ZNF283: variants seen among roughly 807,000 people sequenced by gnomAD.
ZNF283 encodes zinc finger protein 41.
ZNF283 carries 10 observed loss-of-function variants against 9.2 expected under a neutral mutation model. The observed-to-expected ratio is 1.09, with a 90% CI of 0.67 to 1.85. ZNF283 has a LOEUF of 1.85. ZNF283 is among the 40% of genes most tolerant of loss of function. ZNF283 has a pLI of 0.00. For synonymous variants in ZNF283, 234 were observed against 244.1 expected (o/e 0.96, Z 0.38); for missense variants, 631 against 760.1 (o/e 0.83, Z 2.00).
At position 43,850,441 on chromosome 19, in the gene ZNF283, C is replaced by CT. The variant is rs72316769; in HGVS notation, c.*1814dup. ...GTGTGATCATATGGTATGTATTTTA[C>CT]TTTTTTTTTTTTTTGGGACAGGATC... On this transcript the variant is annotated 3_prime_UTR_variant, in exon 7 of 7. Transcript: ENST00000618787. The CT allele has an allele frequency of 0.028, 4,048 of 146,986 alleles. 209 individuals carry two copies. Among genetic ancestry groups the CT allele is most frequent in the East Asian group, 0.23 (1,146 of 5,018 alleles). 9.1% of individuals were successfully genotyped at this position (146,986 alleles called of 1,614,324 possible). A position where few individuals can be genotyped will look rare whatever the true frequency, so the allele number is the denominator to read the frequency against.
Position 43,847,686 on chromosome 19 carries a change from T to G in ZNF283, c.1085T>G (p.Leu362Arg). The change falls in exon 7 of 7, where the codon CTT becomes CGT. Residue 362 changes from leucine (L) to arginine (R), a missense_variant. Physicochemically the swap from Leu to Arg is moderately radical, Grantham distance 102. This residue lies in a region of ZNF283 where 444 missense variants were observed against 522.5 expected (regional missense o/e 0.85). Coordinates refer to ENST00000618787, the MANE Select transcript of ZNF283 (RefSeq NM_181845.2). ...CGKAFSRGYQLTQHQKIHTGK... is the reference protein window; with the variant it reads ...CGKAFSRGYQRTQHQKIHTGK... Reference sequence around the variant, plus strand: ...AAGGCCTTCAGTCGTGGCTATCAGCTTACTCAGCATCAGAAAATCCATACT... The same window carrying G: ...AAGGCCTTCAGTCGTGGCTATCAGCGTACTCAGCATCAGAAAATCCATACT... The G allele has an allele frequency of 6.2e-7, 1 of 1,613,578 alleles. No individual in the cohort carries two copies. The highest frequency in any genetic ancestry group is 8.5e-7 in the Non-Finnish European group (1 of 1,179,630).
At chr19:43,828,422 A>G (rs928345582) in intron 2 of ZNF283, 141 bp downstream of exon 2, 1 of 152,012 alleles carries the variant, frequency 6.6e-6, no homozygotes, top group African/African-American at 2.4e-5. Context: ...GCTGGTACAT[A>G]TTTCCTCCCA....
intron 6 of ZNF283, among the ~76,000 whole-genome samples, chr19:43,843,755 G>T (rs907439372): frequency 1.3e-5 from 2 of 152,154 alleles, no homozygotes; most frequent in African/African-American, 4.8e-5. Flanking sequence ...TATTCAAAGT[G>T]CAATGTAACA....
intron 2 of ZNF283, among the ~76,000 whole-genome samples, chr19:43,828,874 A>C (rs565006011): frequency 6.6e-6 from 1 of 152,306 alleles, no homozygotes; most frequent in South Asian, 2.1e-4. Flanking sequence ...AAGTAAGGGA[A>C]TGTTTCTGGC....
chr19:43,849,531 A>C lies in ZNF283; in HGVS notation c.*890A>C, dbSNP rs776449845. The stretch of plus-strand genomic sequence containing the variant: ...ATTTTCTAATGCCTGTAACAGCATA[A>C]GATAATTTATACCAGATATGTTAAA... On this transcript the variant is annotated 3_prime_UTR_variant, in exon 7 of 7. Transcript: ENST00000618787. The C allele has an allele frequency of 5.3e-5, 8 of 152,236 alleles. No individual in the cohort carries two copies. The highest frequency in any genetic ancestry group is 8.8e-5 in the Non-Finnish European group (6 of 68,036). The allele number at this position is 152,236 out of a possible 1,614,324, so 9.4% of individuals were successfully genotyped here.
chr19:43,837,710 G>A (rs1041193216), intron 6 of ZNF283: 1 of 152,806 alleles, frequency 6.5e-6, no homozygotes, highest in Non-Finnish European at 1.5e-5. Flanking sequence ...AAAATGATGA[G>A]GACTGACAGG....
Position 43,848,733 on chromosome 19 carries a change from G to A in ZNF283, c.*92G>A, listed in dbSNP as rs549540204. On this transcript the variant is annotated 3_prime_UTR_variant, in exon 7 of 7. Coordinates refer to ENST00000618787, the MANE Select transcript of ZNF283 (RefSeq NM_181845.2). The stretch of plus-strand genomic sequence containing the variant: ...CTTGAGAAACCTTGTGAATGTAAGG[G>A]TTGTGCAAAAGCCATTCATTTCTGT... 143 of 1,316,900 alleles carry A rather than the reference G, an allele frequency of 1.1e-4. No homozygotes were observed. In the South Asian group the frequency reaches 2.5e-3, roughly 23 times the overall value. The allele number at this position is 1,316,900 out of a possible 1,614,324, so 81.6% of individuals were successfully genotyped here.
At chr19:43,832,880 C>T (rs373557995) in intron 3 of ZNF283, among the ~76,000 whole-genome samples, 5 of 151,582 alleles carry the variant, frequency 3.3e-5, no homozygotes, top group East Asian at 1.9e-4. Flanking sequence ...AATCATTAGT[C>T]GGGCAAGGTG....
chr19:43,833,484 C>CTTTTTTTTTTTT lies in ZNF283; in HGVS notation c.1-15_1-4dup, dbSNP rs55882936. 1.7e-3 allele frequency: 235 copies of CTTTTTTTTTTTT among 138,048 alleles called. 23 individuals carry two copies. Among genetic ancestry groups the CTTTTTTTTTTTT allele is most frequent in the African/African-American group, 3.7e-3 (92 of 25,024 alleles). 8.6% of individuals were successfully genotyped at this position (138,048 alleles called of 1,614,324 possible). ...GTGTTTCTTTCTTCTTTACCTATTT[C>CTTTTTTTTTTTT]TTTTTTTTTTTTTTTTTCAGATGGA... On this transcript the variant is annotated intron_variant, in intron 3 of 6. Coordinates refer to ENST00000618787, the MANE Select transcript of ZNF283 (RefSeq NM_181845.2).
Position 43,835,557 on chromosome 19 carries a change from T to A in ZNF283, c.175T>A (p.Leu59Ile). The A allele has an allele frequency of 6.2e-7, 1 of 1,610,914 alleles. No individual in the cohort carries two copies. The highest frequency in any genetic ancestry group is 1.3e-5 in the African/African-American group (1 of 75,042). Residue 59 changes from leucine to isoleucine, a missense_variant, in exon 5 of 7, where the codon TTA (leucine) becomes ATA (isoleucine). Physicochemically the swap from Leu to Ile is conservative, Grantham distance 5 (BLOSUM62 2). This residue lies in a region of ZNF283 where 184 missense variants were observed against 220.0 expected (regional missense o/e 0.84). Transcript: ENST00000618787. ...ASPIEESHGA[L>I]ISSCNSRTMT... is the part of the protein sequence containing the mutation. ...ACCAATAGAGGAATCCCATGGAGCATTAATTAGTTCTTGCAATTCCAGAAC... is the reference window on the plus strand; with the variant it reads ...ACCAATAGAGGAATCCCATGGAGCAATAATTAGTTCTTGCAATTCCAGAAC...
At position 43,837,110 on chromosome 19, in the gene ZNF283, C is replaced by T. The variant is rs746685180; in HGVS notation, c.268C>T (p.Leu90=). 6 of 1,614,086 alleles carry T rather than the reference C, an allele frequency of 3.7e-6. No homozygotes were observed. Among genetic ancestry groups the T allele is most frequent in the Non-Finnish European group, 3.4e-6 (4 of 1,179,982 alleles). ...IDFSQEEWEC[L]DPAQRDLYVD... ...CTTCTCTCAGGAGGAGTGGGAATGCCTGGACCCTGCTCAGAGGGACTTGTA... is the reference window on the plus strand; with the variant it reads ...CTTCTCTCAGGAGGAGTGGGAATGCTTGGACCCTGCTCAGAGGGACTTGTA... The change falls in exon 6 of 7, where the codon CTG becomes TTG. Residue 90 remains leucine, a synonymous_variant. Transcript: ENST00000618787.
intron 2 of ZNF283, among the ~76,000 whole-genome samples, chr19:43,830,169 G>A (rs1277928287): frequency 6.6e-6 from 1 of 152,154 alleles, no homozygotes; most frequent in Non-Finnish European, 1.5e-5. Context: ...TGGCCTCCTA[G>A]GCTCAAGCGA....
intron 6 of ZNF283, 74 bp downstream of exon 6, chr19:43,837,253 G>T (rs1317135339): frequency 1.4e-6 from 2 of 1,439,732 alleles, no homozygotes; most frequent in African/African-American, 1.4e-5. Context: ...AAATTACAGG[G>T]CTATCTTTGA....
intron 6 of ZNF283, chr19:43,840,577 C>G (rs1971160954): frequency 6.6e-6 from 1 of 152,250 alleles, no homozygotes; most frequent in Admixed American, 6.5e-5. Context: ...GCACGAGCCA[C>G]TCTTTCACCT....
chr19:43,837,238 A>G, intron 6 of ZNF283, 59 bp downstream of exon 6: 1 of 1,489,030 alleles, frequency 6.7e-7, no homozygotes, highest in Non-Finnish European at 9.0e-7. Flanking sequence ...AGTTTTCTGC[A>G]CTGGAAATTA....
At chr19:43,844,160 T>C (rs1971319724) in intron 6 of ZNF283, among the ~76,000 whole-genome samples, 1 of 152,194 alleles carries the variant, frequency 6.6e-6, no homozygotes. Flanking sequence ...TATTGTTATT[T>C]TAAGTGAATT....
rs911719739 is a variant in ZNF283 at position 43,831,401 on chromosome 19, G to T, written c.-1+20G>T. On this transcript the variant is annotated intron_variant, in intron 3 of 6. Transcript: ENST00000618787. ...GAGCTGGTAGGTGTAAATTGTTTCA[G>T]GCCCACTGATTTTCAGTGTTGGCCC... 3.8e-6 allele frequency: 6 copies of T among 1,588,232 alleles called. No individual in the cohort carries two copies. In the African/African-American group the frequency reaches 6.7e-5, roughly 18 times the overall value.
chr19:43,831,497 CT>C, intron 3 of ZNF283, 116 bp downstream of exon 3: 1 of 825,326 alleles, frequency 1.2e-6, no homozygotes, highest in Non-Finnish European at 1.9e-6. Context: ...TTGGAAATGT[CT>C]TTATAGTTCC....
In ZNF283 at chr19:43,847,617, T is replaced by C. The variant is rs879040688; in HGVS notation, c.1016T>C (p.Ile339Thr). 2 of 1,601,254 alleles carry C rather than the reference T, an allele frequency of 1.2e-6. No individual in the cohort carries two copies. ...GGCTCAAGCCTTGCTAAACATGAGA[T>C]AATTCATACAGGTGAGAAACCTTAT... Reference protein sequence around the residue: ...FWGSSLAKHEIIHTGEKPYKC... With the variant: ...FWGSSLAKHETIHTGEKPYKC... Residue 339 changes from isoleucine (I) to threonine (T), a missense_variant, in exon 7 of 7, where the codon ATA (isoleucine) becomes ACA (threonine). Physicochemically the swap from Ile to Thr is moderately conservative, Grantham distance 89 (BLOSUM62 -1). This residue lies in a region of ZNF283 where 444 missense variants were observed against 522.5 expected (regional missense o/e 0.85). Transcript: ENST00000618787.
Sources: allele counts gnomAD v4.1 joint callset (sites outside exome capture counted in the v4.1 genomes callset), GRCh38; gene constraint gnomAD v4.1.1; regional missense constraint gnomAD v4.1.1; transcripts MANE v1.5; gene names NCBI Gene and HGNC (gene_info 2026-07-23, HGNC 2026-07-21).